POLD2: variants seen among roughly 807,000 people sequenced by gnomAD.
POLD2 encodes DNA polymerase delta 2, accessory subunit.
POLD2 carries 31 observed loss-of-function variants against 48.8 expected under a neutral mutation model. That is an observed-to-expected ratio of 0.64 (90% CI 0.48 to 0.86). The LOEUF is 0.86. Among genes scored for constraint, POLD2 ranks in the 40% least tolerant of loss-of-function variants. The pLI, the probability that POLD2 is intolerant of heterozygous loss-of-function variation, is 0.00. For missense variants in POLD2, 455 were observed against 610.1 expected, an observed-to-expected ratio of 0.75 and a Z score of 2.68; for synonymous variants, 233 against 256.3, an observed-to-expected ratio of 0.91 and a Z score of 0.87.
chr7:44,115,650 C>T, intron 9 of POLD2, 116 bp downstream of exon 9: 14 of 1,190,218 alleles, frequency 1.2e-5, no homozygotes, highest in Non-Finnish European at 1.5e-5. Flanking sequence ...AACTTCTCCT[C>T]AGACAGTTCT....
At chr7:44,123,624 C>G (rs1007409642), upstream of POLD2, 2 of 1,399,340 alleles carry the variant, frequency 1.4e-6, no homozygotes, top group Admixed American at 3.2e-5. Context: ...AATCGCTGCC[C>G]TCCTCGCCCC....
rs910415370 is a variant in POLD2 at position 44,116,585 on chromosome 7, G to A, written c.781-75C>T. 48 of 1,230,680 alleles carry A rather than the reference G, an allele frequency of 3.9e-5. No homozygotes were observed. The highest frequency in any genetic ancestry group is 5.5e-5 in the Non-Finnish European group (47 of 858,740). 76.2% of individuals were successfully genotyped at this position (1,230,680 alleles called of 1,614,324 possible). On this transcript the variant is annotated intron_variant, in intron 6 of 10. Coordinates refer to ENST00000610533, the MANE Select transcript of POLD2 (RefSeq NM_006230.4). The surrounding 1 kb of genome is among the most constrained non-coding windows in gnomAD (Gnocchi z 6.1). The stretch of plus-strand genomic sequence containing the variant: ...AGAGGAGAGTAGAGCCCCACCAGCT[G>A]GAAGATGCAGTTGTTGTCCCATAGA...
rs762582015 is a variant in POLD2, at chr7:44,118,082, C to T, written c.221-18G>A. ...TCCACTGCCTGGGACACGAGGGGTA[C>T]AGACTCAGAGATGAAGTAGCCCCCC... On this transcript the variant is annotated intron_variant, in intron 2 of 10. Transcript: ENST00000610533. 1 of 1,613,256 alleles carries T rather than the reference C, an allele frequency of 6.2e-7. No individual in the cohort carries two copies. The highest frequency in any genetic ancestry group is 8.5e-7 in the Non-Finnish European group (1 of 1,179,510).
intron 2 of POLD2, among the ~76,000 whole-genome samples, chr7:44,119,148 G>A (rs1237698823): frequency 6.6e-6 from 1 of 151,990 alleles, no homozygotes; most frequent in African/African-American, 2.4e-5. Flanking sequence ...CCTGGGCACC[G>A]TCTTCCCCAG....
rs1008926034 is a variant in POLD2 at position 44,122,348 on chromosome 7, C to T, written c.-56-239G>A. 2.2e-5 allele frequency: 28 copies of T among 1,301,700 alleles called. No individual in the cohort carries two copies. In the African/African-American group the frequency reaches 3.0e-4, roughly 14 times the overall value. 80.6% of individuals were successfully genotyped at this position (1,301,700 alleles called of 1,614,324 possible). On this transcript the variant is annotated intron_variant, in intron 1 of 10. Transcript: ENST00000610533. Reference sequence around the variant, plus strand: ...TGTTTGTCCCATCTGGAGTTCTTCCCGAACCCTAGACTCAGGTGTCCTGTT... The same window carrying T: ...TGTTTGTCCCATCTGGAGTTCTTCCTGAACCCTAGACTCAGGTGTCCTGTT...
chr7:44,114,734 GGAAT>G lies in POLD2; in HGVS notation c.*47_*50del. 1 of 1,544,454 alleles carries G rather than the reference GGAAT, an allele frequency of 6.5e-7. No individual in the cohort carries two copies. The highest frequency in any genetic ancestry group is 8.8e-7 in the Non-Finnish European group (1 of 1,132,614). The stretch of plus-strand genomic sequence containing the variant: ...TTTATTTACAATGCCGACACTGCAG[GGAAT>G]GAACAGCCTCCATCTGGGCCTCTCT... On this transcript the variant is annotated 3_prime_UTR_variant, in exon 11 of 11. Coordinates refer to ENST00000610533, the MANE Select transcript of POLD2 (RefSeq NM_006230.4).
intron 9 of POLD2, 43 bp from the exon 10 acceptor site, chr7:44,115,439 A>C: frequency 8.3e-7 from 1 of 1,202,716 alleles, no homozygotes; most frequent in Non-Finnish European, 1.2e-6. Context: ...CCGCCTCAGC[A>C]CTAGCACTCT....
chr7:44,117,479 T>C (rs2096241969), intron 4 of POLD2, 140 bp downstream of exon 4: 2 of 1,107,334 alleles, frequency 1.8e-6, no homozygotes, highest in African/African-American at 1.6e-5. Context: ...GCCTGGAGCC[T>C]CACCTACCTC....
chr7:44,117,972 G>A lies in POLD2; in HGVS notation c.313C>T (p.Pro105Ser), dbSNP rs2096242941. The A allele has an allele frequency of 1.2e-6, 2 of 1,614,054 alleles. No individual in the cohort carries two copies. The highest frequency in any genetic ancestry group is 8.5e-7 in the Non-Finnish European group (1 of 1,180,030). Residue 105 changes from proline to serine, a missense_variant, in exon 3 of 11, where the codon CCC becomes TCC. By Grantham distance (74) the Pro-to-Ser change is moderately conservative (BLOSUM62 -1). Coordinates refer to ENST00000610533, the MANE Select transcript of POLD2 (RefSeq NM_006230.4). ...GTLFKAMPLQ[P>S]SILREVSEEH... Reference sequence around the variant, plus strand: ...TCGCTGACCTCCCGCAGGATGGAGGGCTGCAGCGGCATGGCCTTGAACAGA... The same window carrying A: ...TCGCTGACCTCCCGCAGGATGGAGGACTGCAGCGGCATGGCCTTGAACAGA...
In POLD2 at chr7:44,117,615, C is replaced by G. The variant is rs1457438845; in HGVS notation, c.466+4G>C. The stretch of plus-strand genomic sequence containing the variant: ...CACCCACATCCTCTCATTGGGCTCC[C>G]TACCCGTAACCAGCTTTGACACGTC... On this transcript the variant is annotated splice_donor_region_variant and intron_variant, in intron 4 of 10. Transcript: ENST00000610533. 1 of 1,600,384 alleles carries G rather than the reference C, an allele frequency of 6.2e-7. No individual in the cohort carries two copies. The highest frequency in any genetic ancestry group is 8.5e-7 in the Non-Finnish European group (1 of 1,173,128).
rs764182920 is a variant in POLD2, at chr7:44,116,900, ACTGCTCCC to A, written c.689_696del (p.Gly230ValfsTer28). The A allele has an allele frequency of 3.7e-6, 6 of 1,613,798 alleles. No homozygotes were observed. The highest frequency in any genetic ancestry group is 5.1e-6 in the Non-Finnish European group (6 of 1,180,000). On this transcript the variant is annotated frameshift_variant, in exon 6 of 11. Coordinates refer to ENST00000610533, the MANE Select transcript of POLD2 (RefSeq NM_006230.4). LOFTEE classifies it high-confidence loss of function. The surrounding 1 kb of genome is among the most constrained non-coding windows in gnomAD (Gnocchi z 6.1). ...ACCCGGGAGACGTGGGCGGCGCTGC[ACTGCTCCC>A]CTTCGTCCCCAAGCTGCCCCGTCAC...
At chr7:44,123,229 G>A in intron 1 of POLD2, 2 of 1,340,424 alleles carry the variant, frequency 1.5e-6, no homozygotes, top group Non-Finnish European at 1.9e-6. Flanking sequence ...CCACGGGACA[G>A]CACTGGCCTG....
rs781666845 is a variant in POLD2 at position 44,121,941 on chromosome 7, G to A, written c.113C>T (p.Pro38Leu). Residue 38 changes from proline (P) to leucine (L), a missense_variant, in exon 2 of 11, where the codon CCC becomes CTC. Coordinates refer to ENST00000610533, the MANE Select transcript of POLD2 (RefSeq NM_006230.4). The surrounding 1 kb of genome is among the most constrained non-coding windows in gnomAD (Gnocchi z 4.5). ...PVATYTNSSQ[P>L]FRLGERSFSR... ...AAAGCTGCGCTCTCCTAGCCGGAAG[G>A]GTTGTGAGGAGTTGGTGTAGGTTGC... 1 of 1,613,918 alleles carries A rather than the reference G, an allele frequency of 6.2e-7. No individual in the cohort carries two copies. The highest frequency in any genetic ancestry group is 2.2e-5 in the East Asian group (1 of 44,878).
chr7:44,117,611 C>T lies in POLD2; in HGVS notation c.466+8G>A, dbSNP rs1204086033. ...GCATCACCCACATCCTCTCATTGGG[C>T]TCCCTACCCGTAACCAGCTTTGACA... On this transcript the variant is annotated splice_region_variant and intron_variant, in intron 4 of 10. Transcript: ENST00000610533. 6.3e-7 allele frequency: 1 copy of T among 1,598,474 alleles called. No individual in the cohort carries two copies. Among genetic ancestry groups the T allele is most frequent in the Non-Finnish European group, 8.5e-7 (1 of 1,172,096 alleles).
upstream of POLD2, chr7:44,123,742 G>C: frequency 1.5e-6 from 2 of 1,329,186 alleles, no homozygotes; most frequent in Non-Finnish European, 1.9e-6. Flanking sequence ...CGGGGCGGGG[G>C]CTCGCAGGCC....
intron 2 of POLD2, among the ~76,000 whole-genome samples, chr7:44,119,806 C>T (rs988079015): frequency 6.6e-6 from 1 of 152,214 alleles, no homozygotes. Context: ...GGCAGGAGAA[C>T]GACAACAGGC....
In POLD2 at chr7:44,117,625, C is replaced by T. The variant is rs1248600158; in HGVS notation, c.460G>A (p.Val154Ile). 6.2e-7 allele frequency: 1 copy of T among 1,604,622 alleles called. No homozygotes were observed. Among genetic ancestry groups the T allele is most frequent in the Non-Finnish European group, 8.5e-7 (1 of 1,175,346 alleles). ...CTCTCATTGGGCTCCCTACCCGTAA[C>T]CAGCTTTGACACGTCAATGGTGCCT... ...LKGTIDVSKL[V>I]TGTVLAVFGS... The change falls in exon 4 of 11, where the codon GTT becomes ATT. Residue 154 changes from valine to isoleucine, a missense_variant. Coordinates refer to ENST00000610533, the MANE Select transcript of POLD2 (RefSeq NM_006230.4).
rs770955443 is a variant in POLD2 at position 44,114,793 on chromosome 7, C to T, written c.1402G>A (p.Gly468Ser). Residue 468 changes from glycine to serine, a missense_variant, in exon 11 of 11, where the codon GGC (glycine) becomes AGC (serine). By Grantham distance (56) the Gly-to-Ser change is moderately conservative. Around this residue, in one of 3 missense-constraint regions of POLD2, gnomAD observed 98 missense variants for 138.6 expected, o/e 0.71. Transcript: ENST00000610533. Reference protein sequence around the residue: ...EDDDLGGLGLGP With the variant: ...EDDDLGGLGLSP The stretch of plus-strand genomic sequence containing the variant: ...AAAACCACTTTTTTGAGTCAGGGGC[C>T]CAGCCCCAGGCCTCCCAGGTCATCG... The T allele has an allele frequency of 1.2e-6, 2 of 1,606,238 alleles. No individual in the cohort carries two copies. Among genetic ancestry groups the T allele is most frequent in the South Asian group, 1.1e-5 (1 of 90,876 alleles).
chr7:44,116,144 G>T lies in POLD2; in HGVS notation c.990C>A (p.Asn330Lys). 6.2e-7 allele frequency: 1 copy of T among 1,613,756 alleles called. No individual in the cohort carries two copies. Reference protein sequence around the residue: ...TAYSTLQLVTNPYQATIDGVR... With the variant: ...TAYSTLQLVTKPYQATIDGVR... ...CTCCATCAATGGTGGCCTGGTAGGG[G>T]TTGGTGACCAGCTGGAGCGTGGAGT... The change falls in exon 8 of 11, where the codon AAC (asparagine) becomes AAA (lysine). Residue 330 changes from asparagine (N) to lysine (K), a missense_variant. Physicochemically the swap from Asn to Lys is moderately conservative, Grantham distance 94. Coordinates refer to ENST00000610533, the MANE Select transcript of POLD2 (RefSeq NM_006230.4). The surrounding 1 kb of genome is among the most constrained non-coding windows in gnomAD (Gnocchi z 6.1).
Sources: gnomAD v4.1 joint callset for allele counts (sites outside exome capture counted in the v4.1 genomes callset) on GRCh38, gnomAD v4.1.1 for gene constraint, gnomAD v4.1.1 regional missense constraint, Gnocchi (gnomAD v3.1) non-coding constraint, MANE v1.5 for transcripts, NCBI Gene and HGNC (gene_info 2026-07-23, HGNC 2026-07-21) for gene names.